FOCAD: variants seen among roughly 807,000 people sequenced by gnomAD.
FOCAD encodes KIAA1797.
In FOCAD, 198 loss-of-function variants were observed where a neutral mutation model predicts 225.6. The ratio of observed to expected loss-of-function variants is 0.88; its 90% confidence interval spans 0.78 to 0.99. The LOEUF (loss-of-function observed/expected upper bound fraction) is 0.99, where lower values mean the gene tolerates loss of function less well. Ranked by LOEUF, FOCAD falls within the 50% of genes least tolerant of loss-of-function variation. The probability of loss-of-function intolerance (pLI) is 0.00; values close to 1 mark genes in which losing one functional copy is unlikely to be tolerated. For missense variants in FOCAD, 2,713 were observed against 2,123.6 expected, an observed-to-expected ratio of 1.28 and a Z score of -5.46; for synonymous variants, 897 against 755.0, an observed-to-expected ratio of 1.19 and a Z score of -3.08.
intron 26 of FOCAD, among the ~76,000 whole-genome samples, chr9:20,927,200 A>G (rs1028720138): frequency 1.3e-5 from 2 of 152,082 alleles, no homozygotes; most frequent in Non-Finnish European, 2.9e-5. Context: ...GGGGACTCCA[A>G]GTTTCTAGTC....
At chr9:20,898,596 C>G (rs1832300345) in intron 21 of FOCAD, among the ~76,000 whole-genome samples, 1 of 151,844 alleles carries the variant, frequency 6.6e-6, no homozygotes, top group African/African-American at 2.4e-5. Flanking sequence ...TTATATCTCT[C>G]TGCTTACATT....
At chr9:20,931,461 C>G (rs944215870) in intron 27 of FOCAD, among the ~76,000 whole-genome samples, 2 of 152,114 alleles carry the variant, frequency 1.3e-5, no homozygotes, top group Non-Finnish European at 2.9e-5. Context: ...CCTTTTGATA[C>G]TAATAAATTT....
chr9:20,969,749 T>TTTATA (rs71334570), intron 35 of FOCAD, among the ~76,000 whole-genome samples: 7 of 149,334 alleles, frequency 4.7e-5, no homozygotes, highest in African/African-American at 1.7e-4. Flanking sequence ...ATATAATGGC[T>TTTATA]TTTATATTTA....
At chr9:20,906,144 G>A (rs2132013683) in intron 21 of FOCAD, among the ~76,000 whole-genome samples, 1 of 151,808 alleles carries the variant, frequency 6.6e-6, no homozygotes, top group East Asian at 1.9e-4. Context: ...ACTAAGACTG[G>A]GATTAAAGAA....
intron 24 of FOCAD, among the ~76,000 whole-genome samples, chr9:20,919,352 G>T (rs1185911123): frequency 6.6e-6 from 1 of 152,168 alleles, no homozygotes; most frequent in Admixed American, 6.5e-5. Flanking sequence ...ATGTTCCTGG[G>T]TAGGAAGAAT....
intron 1 of FOCAD, among the ~76,000 whole-genome samples, chr9:20,692,954 C>A (rs754914832): frequency 3.7e-4 from 56 of 152,136 alleles, no homozygotes; most frequent in Non-Finnish European, 6.2e-4. Flanking sequence ...CTGTCCTGGC[C>A]TTCTAATGGA....
At chr9:20,933,573 G>GTA (rs778942196) in intron 28 of FOCAD, among the ~76,000 whole-genome samples, 3 of 145,468 alleles carry the variant, frequency 2.1e-5, no homozygotes, top group African/African-American at 7.5e-5. Context: ...GTGTGTGTAT[G>GTA]TGTGTGTGTG....
At chr9:20,734,291 A>G (rs1450133277) in intron 4 of FOCAD, among the ~76,000 whole-genome samples, 1 of 152,214 alleles carries the variant, frequency 6.6e-6, no homozygotes, top group Middle Eastern at 3.2e-3. Context: ...GCTAGGATAT[A>G]GAGAAAACCA....
chr9:20,946,974 A>G (rs1236915039), intron 30 of FOCAD, among the ~76,000 whole-genome samples, 154 bp downstream of exon 30: 1 of 152,218 alleles, frequency 6.6e-6, no homozygotes, highest in Non-Finnish European at 1.5e-5. Flanking sequence ...AGCTGTAGCC[A>G]AAAGTCACAG....
chr9:20,950,622 T>A, intron 33 of FOCAD, among the ~76,000 whole-genome samples: 1 of 152,194 alleles, frequency 6.6e-6, no homozygotes, highest in Non-Finnish European at 1.5e-5. Context: ...TGTATCTCCT[T>A]CCATTTTTAG....
chr9:20,704,913 G>A (rs964297795), intron 1 of FOCAD, among the ~76,000 whole-genome samples: 2 of 152,244 alleles, frequency 1.3e-5, no homozygotes, highest in African/African-American at 4.8e-5. Flanking sequence ...TAGAAACTGG[G>A]AATGAGCAAA....
At chr9:20,847,384 C>T (rs954213185) in intron 15 of FOCAD, among the ~76,000 whole-genome samples, 5 of 151,766 alleles carry the variant, frequency 3.3e-5, no homozygotes, top group African/African-American at 9.7e-5. Context: ...GGTTCATGCA[C>T]GTTGTAGTAT....
chr9:20,865,518 T>C (rs982600119), intron 16 of FOCAD, among the ~76,000 whole-genome samples: 9 of 152,024 alleles, frequency 5.9e-5, no homozygotes, highest in African/African-American at 2.2e-4. Flanking sequence ...GTCACTGCCT[T>C]AAGTATTGTA....
intron 1 of FOCAD, among the ~76,000 whole-genome samples, chr9:20,695,503 A>G (rs1024582336): frequency 3.3e-5 from 5 of 152,302 alleles, no homozygotes; most frequent in South Asian, 2.1e-4. Context: ...TCTTTTTACA[A>G]TACAATCAGT....
In FOCAD at chr9:20,867,010, A is replaced by G. The variant is rs769782124; in HGVS notation, c.2188A>G (p.Lys730Glu). 1.3e-6 allele frequency: 2 copies of G among 1,575,272 alleles called. No individual in the cohort carries two copies. Among genetic ancestry groups the G allele is most frequent in the Admixed American group, 3.6e-5 (2 of 54,898 alleles). ...GEHTILHLPE[K>E]IRPEIPIPEE... ...ACACACCATTCTTCATCTGCCTGAA[A>G]AGGTAGGCATATCTGCTTTCTCACT... The change falls in exon 18 of 44, where the codon AAG (lysine) becomes GAG (glutamate). Residue 730 changes from lysine to glutamate, a missense_variant and splice_region_variant. By Grantham distance (56) the Lys-to-Glu change is moderately conservative (BLOSUM62 1). Transcript: ENST00000338382.
intron 14 of FOCAD, among the ~76,000 whole-genome samples, chr9:20,821,789 G>A (rs1221249724): frequency 6.6e-6 from 1 of 151,810 alleles, no homozygotes. Context: ...TCCTGGTAAC[G>A]TCATTCTCAC....
At chr9:20,908,779 A>G (rs560695572) in intron 22 of FOCAD, among the ~76,000 whole-genome samples, 6 of 152,246 alleles carry the variant, frequency 3.9e-5, no homozygotes, top group Admixed American at 2.0e-4. Context: ...AAGTCAGAGT[A>G]TGTACTTTTT....
chr9:20,882,276 T>A (rs540039696), intron 20 of FOCAD, among the ~76,000 whole-genome samples: 2 of 152,318 alleles, frequency 1.3e-5, no homozygotes, highest in South Asian at 4.1e-4. Flanking sequence ...ATTTTAGAAC[T>A]GTTTTCTCCC....
At chr9:20,743,770 A>G (rs1243686961) in intron 5 of FOCAD, among the ~76,000 whole-genome samples, 1 of 152,196 alleles carries the variant, frequency 6.6e-6, no homozygotes, top group South Asian at 2.1e-4. Context: ...ATATGGAAAT[A>G]TGTCATTTGT....
Sources: allele counts gnomAD v4.1 joint callset (sites outside exome capture counted in the v4.1 genomes callset), GRCh38; gene constraint gnomAD v4.1.1; transcripts MANE v1.5; gene names NCBI Gene and HGNC (gene_info 2026-07-23, HGNC 2026-07-21).